Variants in NME7 observed in about 807,000 individuals in gnomAD.
NME7 encodes the protein nucleoside diphosphate kinase 7.
NME7 carries 41 observed loss-of-function variants against 49.1 expected under a neutral mutation model. The ratio of observed to expected loss-of-function variants is 0.83; its 90% CI spans 0.65 to 1.08. The LOEUF (loss-of-function observed/expected upper bound fraction) is 1.08, where lower values mean the gene tolerates loss of function less well. NME7 is among the 50% of genes least tolerant of loss of function. NME7 has a pLI of 0.00. For synonymous variants in NME7, 139 were observed against 150.6 expected (o/e 0.92, Z 0.56); for missense variants, 423 against 463.4 (o/e 0.91, Z 0.80).
intron 7 of NME7, among the ~76,000 whole-genome samples, chr1:169,265,164 G>A (rs989050397): frequency 7.5e-6 from 1 of 132,876 alleles, no homozygotes; most frequent in African/African-American, 2.5e-5. Flanking sequence ...AATTCAAGAT[G>A]AGATTTGGTT....
chr1:169,242,228 T>G (rs1374127418), intron 7 of NME7, among the ~76,000 whole-genome samples: 2 of 152,096 alleles, frequency 1.3e-5, no homozygotes, highest in Non-Finnish European at 2.9e-5. Flanking sequence ...TATGCAAGCC[T>G]GGTACATTAT....
chr1:169,321,639 C>T (rs1281750605), intron 3 of NME7, among the ~76,000 whole-genome samples: 2 of 151,910 alleles, frequency 1.3e-5, no homozygotes, highest in Non-Finnish European at 2.9e-5. Flanking sequence ...AGGCATGCAC[C>T]ACCCCTCTGA....
intron 3 of NME7, 100 bp downstream of exon 3, chr1:169,323,017 C>A: frequency 3.3e-6 from 3 of 899,284 alleles, no homozygotes; most frequent in Non-Finnish European, 4.6e-6. Flanking sequence ...TTTCCAGGTC[C>A]TATCCATCCT....
chr1:169,280,252 T>G (rs2101887224), intron 7 of NME7, among the ~76,000 whole-genome samples: 1 of 152,010 alleles, frequency 6.6e-6, no homozygotes, highest in South Asian at 2.1e-4. Context: ...TTGGCTGCAC[T>G]TCTTTTGAGA....
intron 11 of NME7, among the ~76,000 whole-genome samples, chr1:169,133,098 A>AAGT (rs1658297305): frequency 6.6e-6 from 1 of 152,160 alleles, no homozygotes; most frequent in Admixed American, 6.5e-5. Context: ...TTAAAAAAAA[A>AAGT]AGTTGTTAGC....
rs3766076 is a variant in NME7 at position 169,204,798 on chromosome 1, A to G, written c.990+25920T>C. ...ATGCCTTGACTACCACTACATTTCA[A>G]TAAATAATTATTGACTCAATTTTAT... On this transcript the variant is annotated intron_variant, in intron 10 of 11. Coordinates refer to ENST00000367811, the MANE Select transcript of NME7 (RefSeq NM_013330.5). 0.055 allele frequency among the ~76,000 whole-genome samples: 8,322 copies of G among 152,104 alleles called. 1,366 individuals carry two copies. In the East Asian group the frequency reaches 0.66, roughly 12 times the overall value.
chr1:169,235,097 A>C (rs1466154378), intron 9 of NME7, 34 bp downstream of exon 9: 1 of 1,225,954 alleles, frequency 8.2e-7, no homozygotes, highest in Admixed American at 2.2e-5. Flanking sequence ...TTCACTTAAC[A>C]GTACAAATGT....
chr1:169,274,807 T>C (rs1304924940), intron 7 of NME7, among the ~76,000 whole-genome samples: 2 of 133,232 alleles, frequency 1.5e-5, no homozygotes, highest in African/African-American at 5.1e-5. Flanking sequence ...GAGGGCTCTG[T>C]TGTGTTCCAT....
At chr1:169,281,213 T>C (rs1649998097) in intron 7 of NME7, among the ~76,000 whole-genome samples, 1 of 152,138 alleles carries the variant, frequency 6.6e-6, no homozygotes, top group South Asian at 2.1e-4. Flanking sequence ...ATTCTCTTAG[T>C]AGCAACTGTG....
chr1:169,139,827 A>G (rs1658536937), intron 11 of NME7, among the ~76,000 whole-genome samples: 1 of 152,228 alleles, frequency 6.6e-6, no homozygotes, highest in Non-Finnish European at 1.5e-5. Flanking sequence ...GCAGAGGCAG[A>G]CTAAGAAAAC....
At chr1:169,278,310 A>C (rs1379997336) in intron 7 of NME7, among the ~76,000 whole-genome samples, 1 of 151,522 alleles carries the variant, frequency 6.6e-6, no homozygotes, top group Non-Finnish European at 1.5e-5. Flanking sequence ...TCTCCCCGTC[A>C]CTTTCAGGTA....
At chr1:169,361,134 T>TCAATAAA (rs1653637351) in intron 1 of NME7, among the ~76,000 whole-genome samples, 1 of 152,150 alleles carries the variant, frequency 6.6e-6, no homozygotes, top group East Asian at 1.9e-4. Flanking sequence ...CAATAAATAC[T>TCAATAAA]TTCTCGAATA....
At chr1:169,337,095 G>C (rs1652507548) in intron 1 of NME7, among the ~76,000 whole-genome samples, 2 of 152,358 alleles carry the variant, frequency 1.3e-5, no homozygotes, top group South Asian at 4.1e-4. Flanking sequence ...GCCCTTGGGT[G>C]GTCGATGGGA....
chr1:169,212,291 A>G (rs1305597245), intron 10 of NME7, among the ~76,000 whole-genome samples: 1 of 152,144 alleles, frequency 6.6e-6, no homozygotes, highest in African/African-American at 2.4e-5. Flanking sequence ...TAAATTATTT[A>G]ATAAATTGCT....
At chr1:169,299,365 C>G (rs998179413) in intron 5 of NME7, among the ~76,000 whole-genome samples, 1 of 151,990 alleles carries the variant, frequency 6.6e-6, no homozygotes, top group South Asian at 2.1e-4. Flanking sequence ...TTAAAGTGTA[C>G]GCATCGGTTC....
intron 1 of NME7, among the ~76,000 whole-genome samples, chr1:169,332,630 A>G (rs2101948817): frequency 6.6e-6 from 1 of 152,344 alleles, no homozygotes; most frequent in East Asian, 1.9e-4. Context: ...ACAGGAAGAA[A>G]TCTAATAATC....
intron 10 of NME7, among the ~76,000 whole-genome samples, chr1:169,186,705 C>T (rs976421617): frequency 3.3e-5 from 5 of 152,088 alleles, no homozygotes; most frequent in African/African-American, 7.2e-5. Flanking sequence ...TTCCAAAAAC[C>T]AGCTCCTGGA....
At chr1:169,228,953 T>C (rs1050405980) in intron 10 of NME7, among the ~76,000 whole-genome samples, 11 of 152,210 alleles carry the variant, frequency 7.2e-5, no homozygotes, top group Middle Eastern at 3.2e-3. Flanking sequence ...CCTGAAAAGA[T>C]ATAAAGGAGG....
At chr1:169,307,468 G>A (rs1323003389) in intron 4 of NME7, among the ~76,000 whole-genome samples, 1 of 152,172 alleles carries the variant, frequency 6.6e-6, no homozygotes. Context: ...GTACTCCAAA[G>A]AATGAAGTAT....
Sources: gnomAD v4.1 joint callset for allele counts (sites outside exome capture counted in the v4.1 genomes callset) on GRCh38, gnomAD v4.1.1 for gene constraint, MANE v1.5 for transcripts, NCBI Gene and HGNC (gene_info 2026-07-23, HGNC 2026-07-21) for gene names.